The following MOCOS variants were observed in gnomAD, a reference collection of about 807,000 sequenced individuals.
MOCOS encodes molybdenum cofactor sulfurase.
A neutral mutation model predicts 83.6 loss-of-function variants in MOCOS; 86 were observed. The ratio of observed to expected loss-of-function variants is 1.03; its 90% CI spans 0.86 to 1.23. MOCOS has a LOEUF of 1.23. MOCOS is among the 50% of genes most tolerant of loss of function. The pLI is 0.00. For missense variants in MOCOS, 1,120 were observed against 1,126.9 expected, an observed-to-expected ratio of 0.99 and a Z score of 0.09; for synonymous variants, 445 against 434.7, an observed-to-expected ratio of 1.02 and a Z score of -0.29.
chr18:36,213,557 G>A (rs2091463504), intron 7 of MOCOS, 75 bp downstream of exon 7: 8 of 1,186,534 alleles, frequency 6.7e-6, no homozygotes, highest in Non-Finnish European at 1.0e-5. Context: ...GTGTGTCTGG[G>A]GTGGGGGCTG....
Position 36,227,757 on chromosome 18 carries a change from C to T in MOCOS, c.1960+7540C>T, listed in dbSNP as rs149906226. 3.6e-3 allele frequency among the ~76,000 whole-genome samples: 541 copies of T among 152,156 alleles called. 2 individuals carry two copies. The highest frequency in any genetic ancestry group is 0.011 in the African/African-American group (477 of 41,504). On this transcript the variant is annotated intron_variant, in intron 9 of 14. Transcript: ENST00000261326. ...GAGTTCTCTCCAATCTAGGCAATAC[C>T]ATTCAGGACATAAGTAAGGGCAAAG... is the stretch of plus-strand genomic sequence containing the variant.
At chr18:36,189,455 C>G (rs77804179) in intron 1 of MOCOS, among the ~76,000 whole-genome samples, 1 of 151,934 alleles carries the variant, frequency 6.6e-6, no homozygotes, top group Non-Finnish European at 1.5e-5. Context: ...AGAGAGAGGG[C>G]GGGAAAAAAC....
intron 1 of MOCOS, among the ~76,000 whole-genome samples, chr18:36,188,446 C>T (rs1487897469): frequency 6.6e-6 from 1 of 152,230 alleles, no homozygotes; most frequent in Non-Finnish European, 1.5e-5. Flanking sequence ...CCGACCCAGC[C>T]CTCTGCTGCC....
At chr18:36,202,580 C>A (rs2091418621) in intron 4 of MOCOS, among the ~76,000 whole-genome samples, 1 of 152,174 alleles carries the variant, frequency 6.6e-6, no homozygotes. Flanking sequence ...TACAAAGTGC[C>A]CCCATCCTGA....
rs1184604273 is a variant in MOCOS at position 36,256,372 on chromosome 18, CCCT to C, written c.2165-588_2165-586del. On this transcript the variant is annotated intron_variant, in intron 11 of 14. Coordinates refer to ENST00000261326, the MANE Select transcript of MOCOS (RefSeq NM_017947.4). Reference sequence around the variant, plus strand: ...AGGGAAAGGATGCGCCTGCTGTCATCCCTCCTCCTCGAAGTCTTGCCTCCAAGT... The same window carrying C: ...AGGGAAAGGATGCGCCTGCTGTCATCCCTCCTCGAAGTCTTGCCTCCAAGT... 3.9e-5 allele frequency among the ~76,000 whole-genome samples: 6 copies of C among 152,306 alleles called. No homozygotes were observed. In the East Asian group the frequency reaches 1.2e-3, roughly 29 times the overall value.
chr18:36,219,821 G>A (rs572302252), intron 8 of MOCOS, among the ~76,000 whole-genome samples: 1 of 152,322 alleles, frequency 6.6e-6, no homozygotes, highest in South Asian at 2.1e-4. Context: ...AACATGGCTC[G>A]AAGTGGAGAA....
intron 12 of MOCOS, among the ~76,000 whole-genome samples, chr18:36,258,855 A>G (rs2091652041): frequency 6.6e-6 from 1 of 152,136 alleles, no homozygotes; most frequent in Admixed American, 6.6e-5. Flanking sequence ...AGTGTTTTGG[A>G]TCTTCACCAG....
At chr18:36,244,718 T>C (rs1247960662) in intron 9 of MOCOS, among the ~76,000 whole-genome samples, 2 of 152,178 alleles carry the variant, frequency 1.3e-5, no homozygotes, top group Admixed American at 6.5e-5. Context: ...CAGTGGAGTA[T>C]TGAAGTCTCC....
chr18:36,200,337 CAG>C lies in MOCOS; in HGVS notation c.941+14_941+15del. On this transcript the variant is annotated intron_variant, in intron 4 of 14. Transcript: ENST00000261326. ...CGGTAGCTCAGAGGTAACCTTGCCA[CAG>C]GGGAGGGGTCAGAGGAGTTCAGCAA... 1 of 1,613,782 alleles carries C rather than the reference CAG, an allele frequency of 6.2e-7. No individual in the cohort carries two copies. Among genetic ancestry groups the C allele is most frequent in the Non-Finnish European group, 8.5e-7 (1 of 1,180,012 alleles).
chr18:36,251,411 T>C, intron 11 of MOCOS, 128 bp downstream of exon 11: 3 of 1,299,636 alleles, frequency 2.3e-6, no homozygotes, highest in East Asian at 4.7e-5. Context: ...CATCAGCCTT[T>C]AGCAGAAACC....
rs955193969 is a variant in MOCOS at position 36,187,628 on chromosome 18, A to G, written c.89A>G (p.Tyr30Cys). 4.0e-6 allele frequency: 5 copies of G among 1,250,966 alleles called. No homozygotes were observed. Among genetic ancestry groups the G allele is most frequent in the African/African-American group, 1.5e-5 (1 of 65,074 alleles). 77.5% of individuals were successfully genotyped at this position (1,250,966 alleles called of 1,614,324 possible). A position where few individuals can be genotyped will look rare whatever the true frequency, so the allele number is the denominator to read the frequency against. ...DPSAPRLAYGYGPGSLRELRA... is the reference protein window; with the variant it reads ...DPSAPRLAYGCGPGSLRELRA... ...AGCGCACCGCGGCTAGCCTACGGCT[A>G]CGGCCCGGGCAGCCTGCGCGAGCTG... is the stretch of plus-strand genomic sequence containing the variant. The change falls in exon 1 of 15, where the codon TAC (tyrosine) becomes TGC (cysteine). Residue 30 changes from tyrosine to cysteine, a missense_variant. Transcript: ENST00000261326.
chr18:36,264,706 C>T lies in MOCOS; in HGVS notation c.2410-2043C>T, dbSNP rs73949403. On this transcript the variant is annotated intron_variant, in intron 13 of 14. Transcript: ENST00000261326. ...TGCTTACGTGGCCTGGGAATCTTGA[C>T]TTCGGTACCACAGGGAGCATATATT... is the stretch of plus-strand genomic sequence containing the variant. Among the ~76,000 whole-genome samples, 423 of 152,064 alleles carry T rather than the reference C, an allele frequency of 2.8e-3. 3 individuals are homozygous for T. Among genetic ancestry groups the T allele is most frequent in the African/African-American group, 9.8e-3 (406 of 41,466 alleles).
At chr18:36,204,339 G>A (rs1333698969) in intron 5 of MOCOS, among the ~76,000 whole-genome samples, 1 of 151,982 alleles carries the variant, frequency 6.6e-6, no homozygotes, top group Non-Finnish European at 1.5e-5. Context: ...GTCCTTTTGT[G>A]TCTGGCTTCA....
chr18:36,197,437 C>G (rs896654259), intron 2 of MOCOS, among the ~76,000 whole-genome samples: 7 of 117,966 alleles, frequency 5.9e-5, no homozygotes, highest in African/African-American at 2.3e-4. Flanking sequence ...TTTGGTTTTA[C>G]TAGTGAGGAG....
At chr18:36,219,347 G>A in intron 8 of MOCOS, among the ~76,000 whole-genome samples, 1 of 151,906 alleles carries the variant, frequency 6.6e-6, no homozygotes, top group Non-Finnish European at 1.5e-5. Flanking sequence ...ATACTATTAT[G>A]AAATACCTGG....
chr18:36,219,160 C>T (rs2091485973), intron 8 of MOCOS, among the ~76,000 whole-genome samples: 1 of 150,816 alleles, frequency 6.6e-6, no homozygotes, highest in Non-Finnish European at 1.5e-5. Flanking sequence ...AGCCACCATG[C>T]CTGGCTATTT....
In MOCOS at chr18:36,257,026, G is replaced by A; in HGVS notation, c.2223G>A (p.Leu741=). The A allele has an allele frequency of 6.2e-7, 1 of 1,614,138 alleles. No homozygotes were observed. The change falls in exon 12 of 15, where the codon CTG becomes CTA. Residue 741 remains leucine (L), a synonymous_variant. Coordinates refer to ENST00000261326, the MANE Select transcript of MOCOS (RefSeq NM_017947.4). ...LSLVNEAQYL[L]INTSSILELH... is the part of the protein sequence containing the mutation. ...TGGTGAATGAGGCACAGTATCTGCT[G>A]ATCAACACATCCAGTATTTTGGAAC...
chr18:36,188,014 C>T (rs2091348660), intron 1 of MOCOS, among the ~76,000 whole-genome samples: 1 of 152,272 alleles, frequency 6.6e-6, no homozygotes, highest in East Asian at 1.9e-4. Context: ...CTGCTGGGGC[C>T]GGGGTTGCAA....
At chr18:36,265,044 A>C (rs2091677051) in intron 13 of MOCOS, among the ~76,000 whole-genome samples, 1 of 152,212 alleles carries the variant, frequency 6.6e-6, no homozygotes. Context: ...GCAAAAATAA[A>C]GTCATACAAG....
Sources: gnomAD v4.1 joint callset for allele counts (sites outside exome capture counted in the v4.1 genomes callset) on GRCh38, gnomAD v4.1.1 for gene constraint, MANE v1.5 for transcripts, NCBI Gene and HGNC (gene_info 2026-07-23, HGNC 2026-07-21) for gene names.